Variants in FBN1 observed in about 807,000 individuals in gnomAD.
FBN1 encodes fibrillin-1.
A neutral mutation model predicts 365.1 loss-of-function variants in FBN1; 29 were observed. The ratio of observed to expected loss-of-function variants is 0.08; its 90% CI spans 0.06 to 0.11. The LOEUF (loss-of-function observed/expected upper bound fraction) is 0.11, where lower values mean the gene tolerates loss of function less well. Ranked by LOEUF, FBN1 falls within the 10% of genes least tolerant of loss-of-function variation. The pLI, the probability that FBN1 is intolerant of heterozygous loss-of-function variation, is 1.00. For missense variants in FBN1, 2,476 were observed against 3,703.2 expected, an observed-to-expected ratio of 0.67 and a Z score of 8.60; for synonymous variants, 1,210 against 1,270.5, an observed-to-expected ratio of 0.95 and a Z score of 1.01.
chr15:48,490,140 C>T, intron 24 of FBN1, 62 bp from the exon 25 acceptor site: 1 of 1,370,878 alleles, frequency 7.3e-7, no homozygotes, highest in Non-Finnish European at 1.0e-6. Context: ...CCCAAACTGC[C>T]AACACTCTGT....
intron 22 of FBN1, 70 bp from the exon 23 acceptor site, chr15:48,494,324 G>T: frequency 1.7e-6 from 2 of 1,160,554 alleles, no homozygotes; most frequent in Non-Finnish European, 2.6e-6. Flanking sequence ...TTGCAGTTCT[G>T]ACATAGTGTA....
intron 14 of FBN1, 116 bp from the exon 15 acceptor site, chr15:48,508,820 C>T: frequency 8.3e-7 from 1 of 1,210,978 alleles, no homozygotes. Context: ...TTATTACAGC[C>T]TAAGGCTAAC....
chr15:48,497,591 T>C (rs558305560), intron 18 of FBN1, among the ~76,000 whole-genome samples, 200 bp from the exon 19 acceptor site: 1 of 152,276 alleles, frequency 6.6e-6, no homozygotes, highest in Non-Finnish European at 1.5e-5. Flanking sequence ...CACAAGTTCC[T>C]GAGAGGAACT....
intron 6 of FBN1, among the ~76,000 whole-genome samples, chr15:48,577,084 G>T (rs1252929887): frequency 6.6e-6 from 1 of 151,554 alleles, no homozygotes. Flanking sequence ...TTTTTCTGAT[G>T]CCCAACATCA....
chr15:48,612,965 A>G (rs371910409), intron 3 of FBN1, 45 bp downstream of exon 3: 70 of 1,439,236 alleles, frequency 4.9e-5, no homozygotes, highest in Non-Finnish European at 6.8e-5. Flanking sequence ...CAACCAACAC[A>G]ACAAAAGAAG....
intron 6 of FBN1, among the ~76,000 whole-genome samples, chr15:48,589,367 T>C (rs1435997572): frequency 6.6e-6 from 1 of 152,140 alleles, no homozygotes; most frequent in East Asian, 1.9e-4. Flanking sequence ...CCATCCCCAC[T>C]GCTTGTTCAT....
intron 63 of FBN1, among the ~76,000 whole-genome samples, chr15:48,417,308 T>C (rs560128323): frequency 1.3e-5 from 2 of 152,300 alleles, no homozygotes; most frequent in South Asian, 4.1e-4. Context: ...CTCACTTGTA[T>C]ATACTTAGTA....
At chr15:48,456,883 TTGGG>T in intron 43 of FBN1, 121 bp from the exon 44 acceptor site, 1 of 933,364 alleles carries the variant, frequency 1.1e-6, no homozygotes, top group Non-Finnish European at 1.7e-6. Flanking sequence ...CGTGCATGTG[TTGGG>T]GTGGTGGTGA....
intron 10 of FBN1, among the ~76,000 whole-genome samples, chr15:48,517,036 CAAGA>C (rs1257562397): frequency 2.0e-5 from 3 of 152,122 alleles, no homozygotes; most frequent in African/African-American, 7.2e-5. Context: ...CACAAGAAGT[CAAGA>C]ATGACTCCTA....
chr15:48,469,165 T>C (rs1018949463), intron 36 of FBN1, among the ~76,000 whole-genome samples: 2 of 149,090 alleles, frequency 1.3e-5, no homozygotes, highest in Non-Finnish European at 3.0e-5. Flanking sequence ...ACTTTGGCAC[T>C]AGGAAAAATA....
Position 48,411,349 on chromosome 15 carries a change from G to C in FBN1, c.8257C>G (p.Leu2753Val), listed in dbSNP as rs1253681259. The C allele has an allele frequency of 5.0e-6, 8 of 1,613,944 alleles. No homozygotes were observed. Among genetic ancestry groups the C allele is most frequent in the South Asian group, 3.3e-5 (3 of 91,076 alleles). ...GTCTTCTCAACATCCCAACTTGCAA[G>C]ACTCACATTGGCTTCTGTCTCAGAC... ...DQSETEANVS[L>V]ASWDVEKTAI... Residue 2753 changes from leucine (L) to valine (V), a missense_variant, in exon 66 of 66, where the codon CTT becomes GTT. Leu to Val is a conservative substitution (Grantham distance 32, BLOSUM62 1). Transcript: ENST00000316623.
At chr15:48,420,608 C>T in intron 63 of FBN1, 79 bp downstream of exon 63, 1 of 1,577,280 alleles carries the variant, frequency 6.3e-7, no homozygotes, top group South Asian at 1.1e-5. Flanking sequence ...AACACATTTA[C>T]AGCTTCAGAA....
chr15:48,601,896 C>T (rs893995043), intron 4 of FBN1, among the ~76,000 whole-genome samples: 3 of 152,206 alleles, frequency 2.0e-5, no homozygotes, highest in African/African-American at 7.2e-5. Flanking sequence ...CTCCATCTCT[C>T]CACATTCACG....
At chr15:48,497,497 G>T (rs2043618336) in intron 18 of FBN1, 106 bp from the exon 19 acceptor site, 1 of 1,128,636 alleles carries the variant, frequency 8.9e-7, no homozygotes, top group African/African-American at 1.6e-5. Flanking sequence ...AGGAGCTACA[G>T]GAGGAAAAAA....
chr15:48,496,365 T>A, intron 19 of FBN1, 140 bp from the exon 20 acceptor site: 1 of 1,013,794 alleles, frequency 9.9e-7, no homozygotes, highest in Non-Finnish European at 1.5e-6. Flanking sequence ...AGCATTAGCT[T>A]TTACCTAAAC....
rs1421666801 is a variant in FBN1, at chr15:48,568,500, A to G, written c.538+27783T>C. On this transcript the variant is annotated intron_variant, in intron 6 of 65. Transcript: ENST00000316623. ...AATGCAATGTTTTGTGGAAACTGAC[A>G]AGTTGAAGGTAAAATTTATATGGAA... Among the ~76,000 whole-genome samples, 3 of 152,188 alleles carry G rather than the reference A, an allele frequency of 2.0e-5. No individual in the cohort carries two copies. The East Asian group carries it at 5.8e-4, about 29-fold the overall frequency.
intron 61 of FBN1, 37 bp from the exon 62 acceptor site, chr15:48,421,723 T>TC: frequency 6.2e-7 from 1 of 1,605,660 alleles, no homozygotes; most frequent in Non-Finnish European, 8.5e-7. Flanking sequence ...GGGTTAAAAT[T>TC]CCCCAAAGCT....
In FBN1 at chr15:48,409,161, C is replaced by T. The variant is rs2042841180; in HGVS notation, c.*1829G>A. 1 of 152,176 alleles carries T rather than the reference C, an allele frequency of 6.6e-6. No homozygotes were observed. Among genetic ancestry groups the T allele is most frequent in the African/African-American group, 2.4e-5 (1 of 41,444 alleles). 9.4% of individuals were successfully genotyped at this position (152,176 alleles called of 1,614,324 possible). On this transcript the variant is annotated 3_prime_UTR_variant, in exon 66 of 66. Coordinates refer to ENST00000316623, the MANE Select transcript of FBN1 (RefSeq NM_000138.5). ...GTTAGGTGGAAGAAAGCATCTTTGT[C>T]CAATGGTTGCCATTAAGCCTAGACT...
intron 8 of FBN1, chr15:48,529,658 G>A (rs1418301760): frequency 1.3e-5 from 2 of 152,236 alleles, no homozygotes; most frequent in Non-Finnish European, 1.5e-5. Context: ...TGTGGCAGCT[G>A]TTTAAAAGTA....
Sources: allele counts gnomAD v4.1 joint callset (sites outside exome capture counted in the v4.1 genomes callset), GRCh38; gene constraint gnomAD v4.1.1; transcripts MANE v1.5; gene names NCBI Gene and HGNC (gene_info 2026-07-23, HGNC 2026-07-21).